NRXN3: variants seen among roughly 807,000 people sequenced by gnomAD.
NRXN3 encodes the protein neurexin III.
NRXN3 carries 32 observed loss-of-function variants against 137.6 expected under a neutral mutation model. That is an observed-to-expected ratio of 0.23 (90% CI 0.18 to 0.31). The LOEUF is 0.31. Ranked by LOEUF, NRXN3 falls within the 10% of genes least tolerant of loss-of-function variation. The pLI, the probability that NRXN3 is intolerant of heterozygous loss-of-function variation, is 1.00. For missense variants in NRXN3, 1,574 were observed against 2,062.5 expected (o/e 0.76, Z 4.59); for synonymous variants, 798 against 784.5 (o/e 1.02, Z -0.29).
rs150043741 is a variant in NRXN3, at chr14:79,412,208, G to A, written c.3263-55013G>A. Among the ~76,000 whole-genome samples the A allele has an allele frequency of 4.0e-3, 602 of 152,144 alleles. 1 individual carries two copies. The highest frequency in any genetic ancestry group is 0.011 in the South Asian group (53 of 4,818). On this transcript the variant is annotated intron_variant, in intron 15 of 20. Transcript: ENST00000335750. ...CTTGCTCCTTGACGTTAGAAAAATC[G>A]TTGAATTTATGTGTGCCTAAATATC...
rs542754533 is a variant in NRXN3, at chr14:78,374,701, C to T, written c.757+76841C>T. Among the ~76,000 whole-genome samples the T allele has an allele frequency of 2.8e-3, 422 of 148,518 alleles. 1 individual carries two copies. Among genetic ancestry groups the T allele is most frequent in the Non-Finnish European group, 5.4e-3 (364 of 67,662 alleles). On this transcript the variant is annotated intron_variant, in intron 4 of 20. Transcript: ENST00000335750. ...AGGAGAATTGCTTGTACCTGGGAGC[C>T]GGAGGTAGCAGTGAGCTGAGATTGC...
intron 15 of NRXN3, among the ~76,000 whole-genome samples, chr14:79,121,864 G>T (rs755807708): frequency 1.3e-5 from 2 of 152,186 alleles, no homozygotes; most frequent in Non-Finnish European, 2.9e-5. Flanking sequence ...CCAAACCATA[G>T]TAACTAAAAT....
At chr14:78,899,836 A>G (rs1320235506) in intron 10 of NRXN3, among the ~76,000 whole-genome samples, 1 of 152,012 alleles carries the variant, frequency 6.6e-6, no homozygotes, top group Admixed American at 6.6e-5. Flanking sequence ...TTCTACCCTG[A>G]CTTAGAACTA....
chr14:79,528,953 C>T (rs1020681751), intron 16 of NRXN3, among the ~76,000 whole-genome samples: 3 of 152,120 alleles, frequency 2.0e-5, no homozygotes, highest in Non-Finnish European at 4.4e-5. Context: ...ATGTATGTCT[C>T]GGTCTTCTCT....
chr14:78,359,657 C>G (rs558867714), intron 4 of NRXN3, among the ~76,000 whole-genome samples: 1 of 152,062 alleles, frequency 6.6e-6, no homozygotes, highest in East Asian at 1.9e-4. Flanking sequence ...AGGGTGTGGA[C>G]GATGCCTTGA....
intron 3 of NRXN3, chr14:78,282,215 C>T (rs2074504783): frequency 4.3e-6 from 2 of 468,232 alleles, no homozygotes; most frequent in Admixed American, 4.5e-5. Flanking sequence ...GCTTGTAGGG[C>T]AGAGGTGGGC....
chr14:78,958,952 A>G (rs376416196), intron 11 of NRXN3, among the ~76,000 whole-genome samples: 7 of 152,200 alleles, frequency 4.6e-5, no homozygotes, highest in Non-Finnish European at 7.3e-5. Context: ...AAAATATTTT[A>G]TGCCTTTGAG....
rs145096761 is a variant in NRXN3 at position 79,656,520 on chromosome 14, A to G, written c.3445-7258A>G. On this transcript the variant is annotated intron_variant, in intron 16 of 20. Transcript: ENST00000335750. ...CCGTGGTAGCTTTGACTTGCATCTT[A>G]TTTACTTGCATCGGCTGTCTTGTCC... is the stretch of plus-strand genomic sequence containing the variant. 3.3e-5 allele frequency among the ~76,000 whole-genome samples: 5 copies of G among 150,816 alleles called. No individual in the cohort carries two copies. The East Asian group carries it at 9.8e-4, about 30-fold the overall frequency.
At chr14:79,183,467 A>G (rs1299309005) in intron 15 of NRXN3, among the ~76,000 whole-genome samples, 3 of 152,354 alleles carry the variant, frequency 2.0e-5, no homozygotes, top group East Asian at 1.9e-4. Flanking sequence ...AGAACCCCAT[A>G]GTACAAAGTA....
intron 4 of NRXN3, among the ~76,000 whole-genome samples, chr14:78,560,271 A>AACCAAACT (rs1433875309): frequency 5.9e-5 from 9 of 152,088 alleles, no homozygotes; most frequent in African/African-American, 1.4e-4. Context: ...AACATACTGG[A>AACCAAACT]TTTTTCCCCC....
intron 4 of NRXN3, among the ~76,000 whole-genome samples, chr14:78,628,765 AC>A (rs2097491845): frequency 6.6e-6 from 1 of 152,152 alleles, no homozygotes; most frequent in Non-Finnish European, 1.5e-5. Flanking sequence ...CCTTGGGAGA[AC>A]CCTCGGGAAA....
chr14:79,650,974 G>A (rs1385609162), intron 16 of NRXN3, among the ~76,000 whole-genome samples: 4 of 152,160 alleles, frequency 2.6e-5, no homozygotes, highest in Non-Finnish European at 5.9e-5. Flanking sequence ...AATGGAGAAG[G>A]CAAGACAATG....
chr14:79,011,338 G>T (rs1349670954), intron 15 of NRXN3, among the ~76,000 whole-genome samples: 3 of 143,600 alleles, frequency 2.1e-5, no homozygotes, highest in Admixed American at 7.3e-5. Context: ...GGTCTCACAG[G>T]TTCCTTTTAA....
chr14:78,657,263 G>T lies in NRXN3; in HGVS notation c.1221+5937G>T, dbSNP rs149631545. Among the ~76,000 whole-genome samples the T allele has an allele frequency of 1.8e-3, 280 of 152,200 alleles. 1 individual carries two copies. Among genetic ancestry groups the T allele is most frequent in the African/African-American group, 6.4e-3 (264 of 41,524 alleles). On this transcript the variant is annotated intron_variant, in intron 6 of 20. Coordinates refer to ENST00000335750, the MANE Select transcript of NRXN3 (RefSeq NM_001330195.2). ...GCTGTTCAATGACAAATGAAATACA[G>T]GAAGGCCAAGCCAAGACTGAGTTAC...
At chr14:79,515,690 A>T (rs2096976626) in intron 16 of NRXN3, among the ~76,000 whole-genome samples, 1 of 151,532 alleles carries the variant, frequency 6.6e-6, no homozygotes, top group African/African-American at 2.4e-5. Flanking sequence ...GTTTTACTTT[A>T]TGGAATTAAA....
intron 8 of NRXN3, among the ~76,000 whole-genome samples, chr14:78,792,256 GCAA>G (rs1335917424): frequency 4.9e-4 from 1 of 2,032 alleles, no homozygotes; most frequent in African/African-American, 1.9e-3. Flanking sequence ...TAGACTAAAG[GCAA>G]AAAAAAAAAA....
chr14:78,827,434 G>T (rs1418506627), intron 10 of NRXN3, among the ~76,000 whole-genome samples: 1 of 152,136 alleles, frequency 6.6e-6, no homozygotes, highest in Non-Finnish European at 1.5e-5. Flanking sequence ...CATTCAAAGA[G>T]AATAGATGGT....
At chr14:78,176,799 G>T (rs1036456795) in intron 1 of NRXN3, among the ~76,000 whole-genome samples, 7 of 151,966 alleles carry the variant, frequency 4.6e-5, no homozygotes, top group African/African-American at 9.7e-5. Flanking sequence ...GCTGCTGTGG[G>T]GGCTGCCTGG....
At chr14:79,776,598 C>T (rs2099097889) in intron 19 of NRXN3, among the ~76,000 whole-genome samples, 1 of 152,158 alleles carries the variant, frequency 6.6e-6, no homozygotes, top group African/African-American at 2.4e-5. Context: ...ATAGTTAATG[C>T]ACTTCTCTGA....
Sources: gnomAD v4.1 joint callset for allele counts (sites outside exome capture counted in the v4.1 genomes callset) on GRCh38, gnomAD v4.1.1 for gene constraint, MANE v1.5 for transcripts, NCBI Gene and HGNC (gene_info 2026-07-23, HGNC 2026-07-21) for gene names.